Variants in SSBP3 observed in about 807,000 individuals in gnomAD.
SSBP3 encodes single-stranded DNA-binding protein 3.
Under a neutral mutation model 69.6 loss-of-function variants are expected in SSBP3, and 5 were observed. The observed-to-expected ratio is 0.07, with a 90% confidence interval of 0.04 to 0.15. The LOEUF (loss-of-function observed/expected upper bound fraction) is 0.15, where lower values mean the gene tolerates loss of function less well. Among genes scored for constraint, SSBP3 ranks in the 10% least tolerant of loss-of-function variants. The pLI, the probability that SSBP3 is intolerant of heterozygous loss-of-function variation, is 1.00. For synonymous variants in SSBP3, 196 were observed against 193.4 expected, an observed-to-expected ratio of 1.01 and a Z score of -0.11; for missense variants, 312 against 534.0, an observed-to-expected ratio of 0.58 and a Z score of 4.10.
intron 15 of SSBP3, 44 bp downstream of exon 15, chr1:54,228,704 C>G (rs1210264924): frequency 6.5e-7 from 1 of 1,549,804 alleles, no homozygotes; most frequent in Admixed American, 1.9e-5. Flanking sequence ...ACAGAGCTGG[C>G]TGCCCAGGCA....
intron 9 of SSBP3, among the ~76,000 whole-genome samples, chr1:54,246,831 G>A (rs972048831): frequency 6.6e-6 from 1 of 152,266 alleles, no homozygotes; most frequent in African/African-American, 2.4e-5. Flanking sequence ...GGTTTGCAGC[G>A]AAGTTTTCTC....
chr1:54,249,739 T>C (rs1394136013), intron 9 of SSBP3, among the ~76,000 whole-genome samples: 1 of 150,694 alleles, frequency 6.6e-6, no homozygotes, highest in Non-Finnish European at 1.5e-5. Flanking sequence ...ATAAAAAATA[T>C]TTTAACTTTT....
chr1:54,242,230 A>AAAAAGGC lies in SSBP3; in HGVS notation c.717-19_717-18insGCCTTTT, dbSNP rs1644652190. The AAAAAGGC allele has an allele frequency of 1.2e-6, 2 of 1,613,720 alleles. No homozygotes were observed. Among genetic ancestry groups the AAAAAGGC allele is most frequent in the Non-Finnish European group, 1.7e-6 (2 of 1,179,910 alleles). On this transcript the variant is annotated intron_variant, in intron 10 of 17. Coordinates refer to ENST00000610401, the Ensembl canonical transcript of SSBP3. ...CCGGGCCCCTGAGAGAGGGAGAAAG[A>AAAAAGGC]GATGTGGACAATGAAAAAGGCGCTG...
intron 4 of SSBP3, among the ~76,000 whole-genome samples, chr1:54,331,996 G>T (rs1646425446): frequency 6.6e-6 from 1 of 152,200 alleles, no homozygotes; most frequent in South Asian, 2.1e-4. Context: ...GACCTGTGCA[G>T]GGCTGCAAGG....
chr1:54,316,710 A>T lies in SSBP3; in HGVS notation c.277-35183T>A, dbSNP rs541840146. 1.3e-3 allele frequency among the ~76,000 whole-genome samples: 156 copies of T among 122,782 alleles called. 4 individuals are homozygous for T. Among genetic ancestry groups the T allele is most frequent in the Non-Finnish European group, 1.7e-3 (109 of 62,494 alleles). 80.5% of individuals were successfully genotyped at this position (122,782 alleles called of 152,430 possible). A position where few individuals can be genotyped will look rare whatever the true frequency, so the allele number is the denominator to read the frequency against. On this transcript the variant is annotated intron_variant, in intron 4 of 17. Coordinates refer to ENST00000610401, the Ensembl canonical transcript of SSBP3. The stretch of plus-strand genomic sequence containing the variant: ...TAAATAAATAAATAAATAAATAAAT[A>T]AAATAAAATAAAATAAAATAAAAAT...
intron 4 of SSBP3, among the ~76,000 whole-genome samples, chr1:54,358,560 G>C (rs1646903777): frequency 6.6e-6 from 1 of 152,206 alleles, no homozygotes; most frequent in South Asian, 2.1e-4. Flanking sequence ...AGGAGAAGGG[G>C]AGATGGCATA....
At chr1:54,328,335 G>A (rs1386914211) in intron 4 of SSBP3, among the ~76,000 whole-genome samples, 1 of 152,208 alleles carries the variant, frequency 6.6e-6, no homozygotes, top group Non-Finnish European at 1.5e-5. Flanking sequence ...ACCCACCTGA[G>A]GCAGGAGGCT....
intron 4 of SSBP3, among the ~76,000 whole-genome samples, chr1:54,377,176 C>T (rs1418987696): frequency 2.0e-5 from 3 of 152,160 alleles, no homozygotes; most frequent in East Asian, 1.9e-4. Context: ...CAGGCCTCAT[C>T]GCCATTACTG....
chr1:54,346,800 G>C (rs1179238634), intron 4 of SSBP3, among the ~76,000 whole-genome samples: 1 of 150,542 alleles, frequency 6.6e-6, no homozygotes, highest in African/African-American at 2.4e-5. Context: ...GGGCAATAGA[G>C]TGAGACTCCA....
At chr1:54,255,053 G>C (rs1644894722) in intron 7 of SSBP3, among the ~76,000 whole-genome samples, 1 of 147,432 alleles carries the variant, frequency 6.8e-6, no homozygotes, top group South Asian at 2.1e-4. Flanking sequence ...GGCCAGTCTC[G>C]AACTCCTGAT....
chr1:54,233,828 C>T (rs1231069914), intron 14 of SSBP3, among the ~76,000 whole-genome samples: 1 of 152,170 alleles, frequency 6.6e-6, no homozygotes, highest in Non-Finnish European at 1.5e-5. Context: ...TCTGCCCGGC[C>T]ACCACCCCGT....
chr1:54,392,892 A>G (rs1238920698), intron 4 of SSBP3, among the ~76,000 whole-genome samples: 1 of 152,244 alleles, frequency 6.6e-6, no homozygotes, highest in Non-Finnish European at 1.5e-5. Context: ...GGAGAGTTAC[A>G]GAGTTAGTTC....
chr1:54,294,222 G>A (rs1203571336), intron 4 of SSBP3, among the ~76,000 whole-genome samples: 5 of 149,624 alleles, frequency 3.3e-5, no homozygotes. Context: ...CTTTTCAAGA[G>A]TAGTCACCAA....
chr1:54,388,551 T>G (rs1648250481), intron 4 of SSBP3, among the ~76,000 whole-genome samples: 1 of 152,250 alleles, frequency 6.6e-6, no homozygotes, highest in Non-Finnish European at 1.5e-5. Context: ...CTGTCAAAGG[T>G]TACCAAGCTA....
chr1:54,251,692 C>T, exon 9 of SSBP3: 2 of 1,559,674 alleles, frequency 1.3e-6, no homozygotes, highest in Non-Finnish European at 1.7e-6. Flanking sequence ...GTTGGGGTGG[C>T]CTGCGTGAGA....
intron 5 of SSBP3, among the ~76,000 whole-genome samples, chr1:54,271,870 A>G (rs1379920833): frequency 6.6e-6 from 1 of 152,048 alleles, no homozygotes; most frequent in African/African-American, 2.4e-5. Context: ...CCTGGGTTCA[A>G]GCGATTCTCT....
intron 4 of SSBP3, among the ~76,000 whole-genome samples, chr1:54,364,488 C>T (rs1157578973): frequency 6.6e-6 from 1 of 152,190 alleles, no homozygotes; most frequent in African/African-American, 2.4e-5. Flanking sequence ...ACCTAGCACT[C>T]TGTTTAACAA....
At chr1:54,283,055 TCAGGAGTTTGAGAC>T (rs1398800805) in intron 4 of SSBP3, among the ~76,000 whole-genome samples, 1 of 152,012 alleles carries the variant, frequency 6.6e-6, no homozygotes, top group African/African-American at 2.4e-5. Context: ...TCACCTGAGG[TCAGGAGTTTGAGAC>T]CAGCCTGGCC....
intron 4 of SSBP3, among the ~76,000 whole-genome samples, chr1:54,332,751 G>C (rs116292677): frequency 6.6e-6 from 1 of 151,784 alleles, no homozygotes; most frequent in Admixed American, 6.5e-5. Context: ...TAAAAAAAAC[G>C]GACTTGCTCC....
Sources: allele counts gnomAD v4.1 joint callset (sites outside exome capture counted in the v4.1 genomes callset), GRCh38; gene constraint gnomAD v4.1.1; transcripts MANE v1.5; gene names NCBI Gene and HGNC (gene_info 2026-07-23, HGNC 2026-07-21).